The following VPS9D1 variants were observed in gnomAD, a reference collection of about 807,000 sequenced individuals.
VPS9D1 encodes the protein VPS9 domain-containing protein 1.
A neutral mutation model predicts 75.8 loss-of-function variants in VPS9D1; 78 were observed. The observed-to-expected ratio is 1.03, with a 90% CI of 0.86 to 1.24. The LOEUF is 1.24. Among genes scored for constraint, VPS9D1 ranks in the 50% most tolerant of loss-of-function variants. VPS9D1 has a pLI of 0.00. For synonymous variants in VPS9D1, 481 were observed against 385.6 expected, an observed-to-expected ratio of 1.25 and a Z score of -2.90; for missense variants, 1,057 against 847.7, an observed-to-expected ratio of 1.25 and a Z score of -3.07.
rs1395935025 is a variant in VPS9D1 at position 89,709,813 on chromosome 16, A to T, written c.1352T>A (p.Phe451Tyr). 3 of 1,613,468 alleles carry T rather than the reference A, an allele frequency of 1.9e-6. No homozygotes were observed. The highest frequency in any genetic ancestry group is 2.5e-6 in the Non-Finnish European group (3 of 1,179,862). Residue 451 changes from phenylalanine to tyrosine, a missense_variant, in exon 11 of 15, where the codon TTC becomes TAC. Phe to Tyr is a conservative substitution (Grantham distance 22). Coordinates refer to ENST00000389386, the MANE Select transcript of VPS9D1 (RefSeq NM_004913.3). ...CAGCAGCAGAGGCCACAGCGGGGAGAAAAAGGGTTCCTCAATGCAGGCCAG... is the reference window on the plus strand; with the variant it reads ...CAGCAGCAGAGGCCACAGCGGGGAGTAAAAGGGTTCCTCAATGCAGGCCAG... ...RCLACIEEPF[F>Y]SPLWPLLLAL...
intron 12 of VPS9D1, 52 bp from the exon 13 acceptor site, chr16:89,709,008 G>C (rs1597901415): frequency 4.0e-6 from 6 of 1,500,722 alleles, no homozygotes; most frequent in Non-Finnish European, 4.4e-6. Flanking sequence ...AGCAGCCTGA[G>C]CCACCCCTTA....
intron 4 of VPS9D1, among the ~76,000 whole-genome samples, chr16:89,713,269 T>C (rs1407591047): frequency 1.3e-5 from 2 of 152,112 alleles, no homozygotes; most frequent in Non-Finnish European, 2.9e-5. Flanking sequence ...TTCTTTTTTT[T>C]TTTGAGACGG....
At chr16:89,711,773 C>A in intron 8 of VPS9D1, 109 bp downstream of exon 8, 4 of 1,296,284 alleles carry the variant, frequency 3.1e-6, no homozygotes, top group South Asian at 2.9e-5. Context: ...CCCCTCACTG[C>A]CCCCCACAGC....
rs765648224 is a variant in VPS9D1, at chr16:89,709,839, G to A, written c.1326C>T (p.Cys442=). The change falls in exon 11 of 15, where the codon TGC becomes TGT. Residue 442 remains cysteine (C), a synonymous_variant. Transcript: ENST00000389386. ...GLNTAASKDR[C]LACIEEPFFS... ...AAAAGGGTTCCTCAATGCAGGCCAG[G>A]CAGCGGTCCTTGGAGGCAGCTGTGT... The A allele has an allele frequency of 1.2e-6, 2 of 1,613,830 alleles. No homozygotes were observed. Among genetic ancestry groups the A allele is most frequent in the African/African-American group, 1.3e-5 (1 of 75,028 alleles).
At chr16:89,710,013 C>T in intron 10 of VPS9D1, 107 bp from the exon 11 acceptor site, 3 of 1,471,502 alleles carry the variant, frequency 2.0e-6, no homozygotes, top group African/African-American at 2.8e-5. Context: ...TTTCCACCGC[C>T]TTCAAGCCTC....
chr16:89,719,416 CA>C, intron 1 of VPS9D1: 1 of 498,756 alleles, frequency 2.0e-6, no homozygotes, highest in Non-Finnish European at 3.9e-6. Context: ...CTGATATTCT[CA>C]TTCAGTGGGC....
rs765146515 is a variant in VPS9D1, at chr16:89,709,314, C to G, written c.1510G>C (p.Ala504Pro). ...GCCGCGCAGTAGGGGTAGCCAGTGG[C>G]CCCCTTGGCCTCAGGGTTCTGGGGG... is the stretch of plus-strand genomic sequence containing the variant. ...LLPQNPEAKGATGYPYCAAAQ... is the reference protein window; with the variant it reads ...LLPQNPEAKGPTGYPYCAAAQ... Residue 504 changes from alanine (A) to proline (P), a missense_variant, in exon 12 of 15, where the codon GCC (alanine) becomes CCC (proline). Coordinates refer to ENST00000389386, the MANE Select transcript of VPS9D1 (RefSeq NM_004913.3). 1 of 1,604,818 alleles carries G rather than the reference C, an allele frequency of 6.2e-7. No individual in the cohort carries two copies. The highest frequency in any genetic ancestry group is 1.3e-5 in the African/African-American group (1 of 74,866).
intron 8 of VPS9D1, chr16:89,711,621 G>A (rs2060924566): frequency 3.1e-6 from 2 of 654,410 alleles, no homozygotes; most frequent in South Asian, 2.0e-5. Flanking sequence ...CCCTCGCTGG[G>A]ACCCTCCCTC....
At position 89,708,895 on chromosome 16, in the gene VPS9D1, T is replaced by G; in HGVS notation, c.1659A>C (p.Thr553=). ...AEDYCPTPEA[T]PQAGPPPIAA... ...CGATGGGCGGGGGCCCGGCCTGGGG[T>G]GTGGCCTCTGGGGTGGGGCAGTAGT... The change falls in exon 13 of 15, where the codon ACA becomes ACC. Residue 553 remains threonine (T), a synonymous_variant. Transcript: ENST00000389386. The G allele has an allele frequency of 6.3e-7, 1 of 1,595,588 alleles. No homozygotes were observed. Among genetic ancestry groups the G allele is most frequent in the East Asian group, 2.2e-5 (1 of 44,662 alleles).
chr16:89,710,448 C>T, intron 10 of VPS9D1, 138 bp downstream of exon 10: 3 of 934,260 alleles, frequency 3.2e-6, no homozygotes, highest in Non-Finnish European at 4.6e-6. Flanking sequence ...ATGAGAAGGG[C>T]TGAGGCGTGA....
intron 1 of VPS9D1, 85 bp from the exon 2 acceptor site, chr16:89,719,187 A>G: frequency 1.6e-6 from 2 of 1,238,870 alleles, no homozygotes; most frequent in Non-Finnish European, 2.4e-6. Context: ...TTGTGGGATA[A>G]GCAAGGAACA....
chr16:89,709,236 C>G lies in VPS9D1; in HGVS notation c.1588G>C (p.Glu530Gln). 6.2e-7 allele frequency: 1 copy of G among 1,611,986 alleles called. No individual in the cohort carries two copies. Among genetic ancestry groups the G allele is most frequent in the Non-Finnish European group, 8.5e-7 (1 of 1,179,968 alleles). ...VLESCPQKKL[E>Q]CIVRTLRIIC... ...TCTCGAACCTGCTGACCTATGCACT[C>G]CAGCTTCTTCTGGGGGCAGCTCTCC... is the stretch of plus-strand genomic sequence containing the variant. Residue 530 changes from glutamate to glutamine, a missense_variant, in exon 12 of 15, where the codon GAG becomes CAG. Physicochemically the swap from Glu to Gln is conservative, Grantham distance 29 (BLOSUM62 2). Coordinates refer to ENST00000389386, the MANE Select transcript of VPS9D1 (RefSeq NM_004913.3).
In VPS9D1 at chr16:89,710,611, C is replaced by G; in HGVS notation, c.1233G>C (p.Ala411=). 1.9e-6 allele frequency: 3 copies of G among 1,607,050 alleles called. No individual in the cohort carries two copies. Among genetic ancestry groups the G allele is most frequent in the Non-Finnish European group, 2.6e-6 (3 of 1,175,176 alleles). Residue 411 remains alanine (A), a synonymous_variant, in exon 10 of 15, where the codon GCG becomes GCC. Transcript: ENST00000389386. ...CTACGGCATTGTGGATCTCCTCCAC[C>G]GCGGTCTTCAGCTGCTGCAGCTGGG... ...PEPQLQQLKT[A]VEEIHNAVDR... is the part of the protein sequence containing the mutation.
intron 11 of VPS9D1, 131 bp downstream of exon 11, chr16:89,709,646 G>T: frequency 2.7e-6 from 4 of 1,475,450 alleles, no homozygotes; most frequent in Non-Finnish European, 3.7e-6. Context: ...GTAAAGCACA[G>T]GCTAGGGGGA....
rs1325528107 is a variant in VPS9D1, at chr16:89,708,942, T to C, written c.1612A>G (p.Ile538Val). The change falls in exon 13 of 15, where the codon ATC becomes GTC. Residue 538 changes from isoleucine (I) to valine (V), a missense_variant. Ile to Val is a conservative substitution (Grantham distance 29). Coordinates refer to ENST00000389386, the MANE Select transcript of VPS9D1 (RefSeq NM_004913.3). ...KLECIVRTLR[I>V]ICVCAEDYCP... The stretch of plus-strand genomic sequence containing the variant: ...TAGTCTTCCGCACAGACACAGATGA[T>C]CCGCAGGGTCCGCACTGCGCCCCAG... 1 of 1,602,138 alleles carries C rather than the reference T, an allele frequency of 6.2e-7. No individual in the cohort carries two copies. Among genetic ancestry groups the C allele is most frequent in the African/African-American group, 1.3e-5 (1 of 74,630 alleles).
rs754429440 is a variant in VPS9D1 at position 89,711,915 on chromosome 16, A to C, written c.714T>G (p.Leu238=). ...LTPEEREQRA[L]YAAILEYEQD... ...GTTCGTACTCCAGGATGGCGGCGTA[A>C]AGGGCCCGCTGCTCCCGTTCCTCCG... The change falls in exon 8 of 15, where the codon CTT becomes CTG. Residue 238 remains leucine (L), a synonymous_variant. Transcript: ENST00000389386. 19 of 1,551,352 alleles carry C rather than the reference A, an allele frequency of 1.2e-5. No homozygotes were observed. In the Middle Eastern group the frequency reaches 6.7e-4, roughly 54 times the overall value.
At chr16:89,715,521 C>T (rs190115486) in intron 4 of VPS9D1, among the ~76,000 whole-genome samples, 22 of 151,342 alleles carry the variant, frequency 1.5e-4, no homozygotes, top group South Asian at 6.2e-4. Context: ...CCACCGCGCC[C>T]GGTCATTTTT....
chr16:89,712,314 A>T, intron 6 of VPS9D1, 146 bp downstream of exon 6: 1 of 1,366,010 alleles, frequency 7.3e-7, no homozygotes. Context: ...TTCCCCTGAG[A>T]CCCTGCCTCT....
In VPS9D1 at chr16:89,709,824, C is replaced by T. The variant is rs1392687896; in HGVS notation, c.1341G>A (p.Glu447=). The part of the protein sequence containing the change: ...ASKDRCLACI[E]EPFFSPLWPL... ...GCCACAGCGGGGAGAAAAAGGGTTC[C>T]TCAATGCAGGCCAGGCAGCGGTCCT... Residue 447 remains glutamate, a synonymous_variant, in exon 11 of 15, where the codon GAG becomes GAA. Coordinates refer to ENST00000389386, the MANE Select transcript of VPS9D1 (RefSeq NM_004913.3). 4 of 1,613,842 alleles carry T rather than the reference C, an allele frequency of 2.5e-6. No homozygotes were observed. Among genetic ancestry groups the T allele is most frequent in the Middle Eastern group, 1.7e-4 (1 of 6,060 alleles).
Sources: allele counts gnomAD v4.1 joint callset (sites outside exome capture counted in the v4.1 genomes callset), GRCh38; gene constraint gnomAD v4.1.1; transcripts MANE v1.5; gene names NCBI Gene and HGNC (gene_info 2026-07-23, HGNC 2026-07-21).